The following SSH2 variants were observed in gnomAD, a reference collection of about 807,000 sequenced individuals.
SSH2 encodes the protein slingshot protein phosphatase 2.
A neutral mutation model predicts 135.2 loss-of-function variants in SSH2; 37 were observed. The observed-to-expected ratio is 0.27, with a 90% confidence interval of 0.21 to 0.36. The LOEUF is 0.36. SSH2 is among the 10% of genes least tolerant of loss of function. The pLI is 1.00. For missense variants in SSH2, 1,408 were observed against 1,765.3 expected (o/e 0.80, Z 3.63); for synonymous variants, 628 against 646.2 (o/e 0.97, Z 0.43).
chr17:29,640,508 G>A, intron 14 of SSH2, among the ~76,000 whole-genome samples: 1 of 152,152 alleles, frequency 6.6e-6, no homozygotes, highest in East Asian at 1.9e-4. Context: ...TGTGTAACCA[G>A]CAGGGATTTC....
At chr17:29,791,328 C>T (rs1309354328) in intron 3 of SSH2, among the ~76,000 whole-genome samples, 5 of 152,136 alleles carry the variant, frequency 3.3e-5, no homozygotes, top group South Asian at 2.1e-4. Flanking sequence ...TCATGTGATC[C>T]GTCTGCCTCA....
In SSH2 at chr17:29,628,048, G is replaced by T. The variant is rs1269026065; in HGVS notation, c.*2793C>A. 6.9e-6 allele frequency: 1 copy of T among 145,816 alleles called. No individual in the cohort carries two copies. The highest frequency in any genetic ancestry group is 2.0e-4 in the East Asian group (1 of 5,110). The allele number at this position is 145,816 out of a possible 1,614,324, so 9.0% of individuals were successfully genotyped here. On this transcript the variant is annotated 3_prime_UTR_variant, in exon 16 of 16. Transcript: ENST00000540801. ...GCTTCAGGTCAGGTCATGAACAAAA[G>T]AAAAGGGAAAGATGCCACTGGAGAT...
At chr17:29,690,571 G>A (rs2038427080) in intron 5 of SSH2, among the ~76,000 whole-genome samples, 1 of 152,040 alleles carries the variant, frequency 6.6e-6, no homozygotes, top group Non-Finnish European at 1.5e-5. Flanking sequence ...CCATCAGAGA[G>A]AAAGGTTCCA....
chr17:29,659,193 A>C (rs2036919091), intron 11 of SSH2, among the ~76,000 whole-genome samples: 1 of 152,238 alleles, frequency 6.6e-6, no homozygotes, highest in African/African-American at 2.4e-5. Context: ...AGTTTATTCA[A>C]CTAGTCTCCT....
intron 3 of SSH2, among the ~76,000 whole-genome samples, chr17:29,755,215 T>A (rs529748369): frequency 2.2e-3 from 342 of 152,348 alleles, no homozygotes; most frequent in Non-Finnish European, 3.8e-3. Flanking sequence ...GGGTATGAAC[T>A]TTTTATGATC....
At chr17:29,747,806 C>T (rs1372086092) in intron 3 of SSH2, among the ~76,000 whole-genome samples, 2 of 152,144 alleles carry the variant, frequency 1.3e-5, no homozygotes, top group African/African-American at 4.8e-5. Context: ...TAAGAGGACT[C>T]CCATTTACTG....
chr17:29,639,386 C>T (rs73987114), intron 14 of SSH2, among the ~76,000 whole-genome samples: 9,300 of 152,016 alleles, frequency 0.061, 886 homozygotes, highest in African/African-American at 0.21. Flanking sequence ...AGTTACCAAA[C>T]CGCAGGGTGG....
At chr17:29,808,459 G>A (rs182418056) in intron 2 of SSH2, among the ~76,000 whole-genome samples, 7 of 152,290 alleles carry the variant, frequency 4.6e-5, no homozygotes, top group Admixed American at 1.3e-4. Flanking sequence ...AAATAGACCA[G>A]TAGAAAAGTT....
chr17:29,632,904 T>C lies in SSH2; in HGVS notation c.2290A>G (p.Ile764Val), dbSNP rs889681723. Residue 764 changes from isoleucine (I) to valine (V), a missense_variant, in exon 16 of 16, where the codon ATC (isoleucine) becomes GTC (valine). Around this residue, in one of 3 missense-constraint regions of SSH2, gnomAD observed 1,080 missense variants for 1,144.5 expected, o/e 0.94. Coordinates refer to ENST00000540801, the MANE Select transcript of SSH2 (RefSeq NM_001282129.2). ...KAISELVSPD[I>V]FMQSHSENAI... ...TTTTCCGAGTGAGACTGCATGAAGA[T>C]GTCTGGGCTGACCAGTTCTGAAATT... 11 of 1,612,522 alleles carry C rather than the reference T, an allele frequency of 6.8e-6. No homozygotes were observed. The highest frequency in any genetic ancestry group is 9.3e-6 in the Non-Finnish European group (11 of 1,179,026).
intron 3 of SSH2, among the ~76,000 whole-genome samples, chr17:29,734,719 G>A (rs1227548142): frequency 6.6e-6 from 1 of 152,150 alleles, no homozygotes; most frequent in South Asian, 2.1e-4. Flanking sequence ...TACCACATAG[G>A]TTGTGCTGAG....
intron 2 of SSH2, among the ~76,000 whole-genome samples, chr17:29,799,252 G>T (rs1273711665): frequency 6.6e-6 from 1 of 152,098 alleles, no homozygotes; most frequent in East Asian, 1.9e-4. Flanking sequence ...TCTTGTACGT[G>T]TCTTTTGGTG....
chr17:29,748,954 A>G (rs912916830), intron 3 of SSH2, among the ~76,000 whole-genome samples: 2 of 152,388 alleles, frequency 1.3e-5, no homozygotes, highest in African/African-American at 2.4e-5. Context: ...AAAAGGGTGT[A>G]GTTCAGTTAT....
At chr17:29,915,652 A>G (rs2066868299) in intron 1 of SSH2, among the ~76,000 whole-genome samples, 1 of 152,184 alleles carries the variant, frequency 6.6e-6, no homozygotes, top group South Asian at 2.1e-4. Context: ...CTTTCAAGGG[A>G]AGAAGAATTT....
intron 3 of SSH2, among the ~76,000 whole-genome samples, chr17:29,778,359 G>C (rs1209990065): frequency 6.6e-6 from 1 of 152,216 alleles, no homozygotes; most frequent in Non-Finnish European, 1.5e-5. Context: ...ATGTAGCCTG[G>C]ATGGGCGTGG....
intron 14 of SSH2, among the ~76,000 whole-genome samples, chr17:29,647,343 C>T (rs552248102): frequency 4.6e-5 from 7 of 150,764 alleles, no homozygotes; most frequent in East Asian, 1.9e-4. Flanking sequence ...CAGAGTGAGA[C>T]CCTGTCTCAA....
intron 1 of SSH2, among the ~76,000 whole-genome samples, chr17:29,897,324 GAC>G (rs1477388943): frequency 1.3e-5 from 2 of 152,044 alleles, no homozygotes; most frequent in African/African-American, 2.4e-5. Context: ...CCAATTAAAA[GAC>G]ACAGACTGGC....
chr17:29,661,903 C>T (rs542197032), intron 11 of SSH2, among the ~76,000 whole-genome samples: 1 of 152,278 alleles, frequency 6.6e-6, no homozygotes, highest in South Asian at 2.1e-4. Flanking sequence ...ACTTGGGCTA[C>T]ACTTAGGGCT....
intron 3 of SSH2, among the ~76,000 whole-genome samples, chr17:29,774,325 C>T (rs879859305): frequency 2.0e-4 from 31 of 151,888 alleles, no homozygotes; most frequent in African/African-American, 6.0e-4. Flanking sequence ...AGTGCAATGG[C>T]GGGATCTTGG....
At chr17:29,801,931 CTGTGGCT>C (rs1188568754) in intron 2 of SSH2, among the ~76,000 whole-genome samples, 1 of 152,230 alleles carries the variant, frequency 6.6e-6, no homozygotes, top group Non-Finnish European at 1.5e-5. Context: ...CAGGAGTAGC[CTGTGGCT>C]AAGATCTGGC....
Sources: allele counts gnomAD v4.1 joint callset (sites outside exome capture counted in the v4.1 genomes callset), GRCh38; gene constraint gnomAD v4.1.1; regional missense constraint gnomAD v4.1.1; transcripts MANE v1.5; gene names NCBI Gene and HGNC (gene_info 2026-07-23, HGNC 2026-07-21).